The following TAF3 variants were observed in gnomAD, a reference collection of about 807,000 sequenced individuals.
TAF3 encodes TATA-box binding protein associated factor 3, also known as transcription initiation factor TFIID subunit 3.
A neutral mutation model predicts 80.6 loss-of-function variants in TAF3; 7 were observed. The observed-to-expected ratio is 0.09, with a 90% CI of 0.05 to 0.16. TAF3 has a LOEUF of 0.16. TAF3 is among the 10% of genes least tolerant of loss of function. TAF3 has a pLI of 1.00. For synonymous variants in TAF3, 444 were observed against 446.1 expected, an observed-to-expected ratio of 1.00 and a Z score of 0.06; for missense variants, 921 against 1,140.2, an observed-to-expected ratio of 0.81 and a Z score of 2.77.
chr10:7,965,900 T>G (rs545954943), intron 3 of TAF3, among the ~76,000 whole-genome samples, 158 bp downstream of exon 3: 11 of 152,298 alleles, frequency 7.2e-5, no homozygotes, highest in African/African-American at 2.6e-4. Context: ...ATTTTAATTC[T>G]AAAACCCATA....
intron 4 of TAF3, among the ~76,000 whole-genome samples, chr10:7,996,985 G>A (rs1299990202): frequency 2.6e-5 from 4 of 151,934 alleles, no homozygotes; most frequent in African/African-American, 9.6e-5. Context: ...TGAGCCACTG[G>A]GCCCAGCCGA....
chr10:8,004,948 G>C (rs1831977872), intron 4 of TAF3, among the ~76,000 whole-genome samples: 1 of 152,036 alleles, frequency 6.6e-6, no homozygotes, highest in Non-Finnish European at 1.5e-5. Context: ...TGCTTCTTAG[G>C]CTATGCTCTG....
intron 6 of TAF3, 92 bp downstream of exon 6, chr10:8,013,929 G>A (rs1454854979): frequency 4.5e-6 from 5 of 1,107,252 alleles, no homozygotes; most frequent in Non-Finnish European, 6.9e-6. Flanking sequence ...TCCTGCCTTT[G>A]GACTGACCCA....
intron 2 of TAF3, 91 bp from the exon 3 acceptor site, chr10:7,963,827 AAG>A: frequency 7.9e-7 from 1 of 1,260,356 alleles, no homozygotes; most frequent in Non-Finnish European, 1.1e-6. Flanking sequence ...AGAAAGAAAA[AAG>A]AAATCATATT....
intron 2 of TAF3, 46 bp downstream of exon 2, chr10:7,824,606 A>G (rs1036434603): frequency 1.3e-6 from 2 of 1,590,958 alleles, no homozygotes; most frequent in African/African-American, 2.7e-5. Flanking sequence ...ATTTTAATGG[A>G]TTTTTAATCC....
Position 7,932,370 on chromosome 10 carries a change from C to G in TAF3, c.410-31550C>G, listed in dbSNP as rs367799542. Among the ~76,000 whole-genome samples, 44 of 152,274 alleles carry G rather than the reference C, an allele frequency of 2.9e-4. No individual in the cohort carries two copies. In the East Asian group the frequency reaches 3.9e-3, roughly 13 times the overall value. Reference sequence around the variant, plus strand: ...AGAGAGGGAATGGCATCTCAACTAGCTAGTGTTCCAGCAGATAGCACACAT... The same window carrying G: ...AGAGAGGGAATGGCATCTCAACTAGGTAGTGTTCCAGCAGATAGCACACAT... On this transcript the variant is annotated intron_variant, in intron 2 of 6. Coordinates refer to ENST00000344293, the MANE Select transcript of TAF3 (RefSeq NM_031923.4).
At chr10:7,894,175 C>A (rs1006467882) in intron 2 of TAF3, among the ~76,000 whole-genome samples, 3 of 152,154 alleles carry the variant, frequency 2.0e-5, no homozygotes, top group African/African-American at 7.2e-5. Flanking sequence ...AAGTTAGAGT[C>A]CCTCTCTGTA....
intron 5 of TAF3, among the ~76,000 whole-genome samples, chr10:8,013,164 A>G (rs749390259): frequency 6.6e-6 from 1 of 152,220 alleles, no homozygotes; most frequent in Non-Finnish European, 1.5e-5. Context: ...TAAAAATGTC[A>G]TAAAGGGAAT....
intron 3 of TAF3, among the ~76,000 whole-genome samples, chr10:7,966,153 G>A (rs1291945336): frequency 1.3e-5 from 2 of 152,168 alleles, no homozygotes; most frequent in African/African-American, 4.8e-5. Context: ...CAAAACCACG[G>A]CACTATTTTA....
At chr10:7,959,987 T>C (rs899823897) in intron 2 of TAF3, among the ~76,000 whole-genome samples, 4 of 152,142 alleles carry the variant, frequency 2.6e-5, no homozygotes. Flanking sequence ...AGGCCTTCCC[T>C]GGAGAACACA....
chr10:7,897,676 C>CTTTCT (rs1306714541), intron 2 of TAF3, among the ~76,000 whole-genome samples: 8 of 140,618 alleles, frequency 5.7e-5, no homozygotes, highest in South Asian at 2.2e-4. Context: ...TTCTTTCTTT[C>CTTTCT]TTTTTTTTTT....
chr10:7,982,132 A>G (rs906145524), intron 4 of TAF3, among the ~76,000 whole-genome samples: 1 of 152,184 alleles, frequency 6.6e-6, no homozygotes, highest in African/African-American at 2.4e-5. Context: ...TAGAGAAATA[A>G]TAGTAAATGT....
intron 2 of TAF3, among the ~76,000 whole-genome samples, chr10:7,875,032 A>G (rs993574878): frequency 6.6e-6 from 1 of 152,104 alleles, no homozygotes; most frequent in African/African-American, 2.4e-5. Context: ...AATTATAGAT[A>G]GCAGTTTGTA....
At chr10:7,924,612 A>G (rs895165831) in intron 2 of TAF3, among the ~76,000 whole-genome samples, 1 of 152,234 alleles carries the variant, frequency 6.6e-6, no homozygotes, top group Non-Finnish European at 1.5e-5. Flanking sequence ...AGAATGCGCT[A>G]TCTTGGTAGT....
intron 2 of TAF3, among the ~76,000 whole-genome samples, chr10:7,863,608 TAAAAAAA>T (rs1230925353): frequency 0.011 from 225 of 20,418 alleles, 16 homozygotes; most frequent in Non-Finnish European, 0.016. Context: ...AAACTCTGTC[TAAAAAAA>T]AAAAAAAAAA....
chr10:7,950,002 A>G (rs192104188), intron 2 of TAF3, among the ~76,000 whole-genome samples: 1 of 152,230 alleles, frequency 6.6e-6, no homozygotes, highest in Non-Finnish European at 1.5e-5. Flanking sequence ...AATTAGAGTC[A>G]ATGATACATG....
chr10:7,999,790 A>G (rs541893858), intron 4 of TAF3, among the ~76,000 whole-genome samples: 73 of 152,228 alleles, frequency 4.8e-4, no homozygotes, highest in Non-Finnish European at 9.4e-4. Context: ...AAATACCATC[A>G]TTGTAGGAGG....
chr10:7,833,654 TC>T (rs1836823452), intron 2 of TAF3: 1 of 176,070 alleles, frequency 5.7e-6, no homozygotes, highest in Non-Finnish European at 1.2e-5. Flanking sequence ...CTTCCATGTC[TC>T]TTTTTGTCCA....
At position 7,965,268 on chromosome 10, in the gene TAF3, T is replaced by G; in HGVS notation, c.1758T>G (p.Asp586Glu). 1.2e-6 allele frequency: 2 copies of G among 1,608,576 alleles called. No homozygotes were observed. Among genetic ancestry groups the G allele is most frequent in the Non-Finnish European group, 1.7e-6 (2 of 1,178,802 alleles). The change falls in exon 3 of 7, where the codon GAT becomes GAG. Residue 586 changes from aspartate (D) to glutamate (E), a missense_variant. Physicochemically the swap from Asp to Glu is conservative, Grantham distance 45. This residue lies in a region of TAF3 where 743 missense variants were observed against 821.0 expected (regional missense o/e 0.90). Transcript: ENST00000344293. ...AATTTCTTAAAGAGGAAGAGGCAGATCCCTACAAGTTTAAAATCAAAGAAT... is the reference window on the plus strand; with the variant it reads ...AATTTCTTAAAGAGGAAGAGGCAGAGCCCTACAAGTTTAAAATCAAAGAAT... Reference protein sequence around the residue: ...WKEFLKEEEADPYKFKIKEFE... With the variant: ...WKEFLKEEEAEPYKFKIKEFE...
Sources: gnomAD v4.1 joint callset for allele counts (sites outside exome capture counted in the v4.1 genomes callset) on GRCh38, gnomAD v4.1.1 for gene constraint, gnomAD v4.1.1 regional missense constraint, MANE v1.5 for transcripts, NCBI Gene and HGNC (gene_info 2026-07-23, HGNC 2026-07-21) for gene names.